The following SPTLC3 variants were observed in gnomAD, a reference collection of about 807,000 sequenced individuals.
The protein encoded by SPTLC3 is serine palmitoyltransferase long chain base subunit 3, also known as serine palmitoyltransferase 3.
Under a neutral mutation model 59.3 loss-of-function variants are expected in SPTLC3, and 36 were observed. That is an observed-to-expected ratio of 0.61 (90% CI 0.47 to 0.80). The LOEUF is 0.80. SPTLC3 is among the 30% of genes least tolerant of loss of function. The pLI is 0.00. For missense variants in SPTLC3, 625 were observed against 685.1 expected (o/e 0.91, Z 0.98); for synonymous variants, 257 against 240.8 (o/e 1.07, Z -0.62).
chr20:13,017,056 T>G (rs1258817261), intron 1 of SPTLC3, among the ~76,000 whole-genome samples: 2 of 152,170 alleles, frequency 1.3e-5, no homozygotes, highest in East Asian at 1.9e-4. Flanking sequence ...ACGCTTCCCC[T>G]GTAAACACAA....
chr20:13,041,948 C>T (rs1215902512), intron 1 of SPTLC3, among the ~76,000 whole-genome samples: 2 of 152,202 alleles, frequency 1.3e-5, no homozygotes, highest in African/African-American at 4.8e-5. Flanking sequence ...AAGCTATCTT[C>T]CTCTGTTGGT....
chr20:13,151,496 C>A (rs938561374), intron 9 of SPTLC3, among the ~76,000 whole-genome samples: 2 of 152,118 alleles, frequency 1.3e-5, no homozygotes, highest in African/African-American at 4.8e-5. Flanking sequence ...AACCTGCCTG[C>A]TGGGAGCTGG....
At chr20:13,075,573 C>T (rs1183682845) in intron 4 of SPTLC3, among the ~76,000 whole-genome samples, 58 of 152,088 alleles carry the variant, frequency 3.8e-4, no homozygotes, top group Admixed American at 3.8e-3. Context: ...TTAAGAAAAA[C>T]ATCTTACTTA....
At position 13,166,004 on chromosome 20, in the gene SPTLC3, TG is replaced by T. The variant is rs980027550; in HGVS notation, c.*1139del. 1.3e-5 allele frequency: 2 copies of T among 152,520 alleles called. No individual in the cohort carries two copies. Among genetic ancestry groups the T allele is most frequent in the Non-Finnish European group, 2.9e-5 (2 of 68,048 alleles). 9.4% of individuals were successfully genotyped at this position (152,520 alleles called of 1,614,324 possible). A position where few individuals can be genotyped will look rare whatever the true frequency, so the allele number is the denominator to read the frequency against. On this transcript the variant is annotated 3_prime_UTR_variant, in exon 12 of 12. Coordinates refer to ENST00000399002, the MANE Select transcript of SPTLC3 (RefSeq NM_018327.4). ...TTCTCAACATGAACACAAACCTCTA[TG>T]GAAAAGTAGCCTCTTGTTAATCTGA...
chr20:13,135,226 G>T (rs2038215347), intron 9 of SPTLC3, among the ~76,000 whole-genome samples: 1 of 152,178 alleles, frequency 6.6e-6, no homozygotes, highest in Non-Finnish European at 1.5e-5. Flanking sequence ...TCAATTTGAT[G>T]AAAGGAAATC....
At chr20:13,121,845 G>T (rs776760847) in intron 8 of SPTLC3, among the ~76,000 whole-genome samples, 6 of 152,174 alleles carry the variant, frequency 3.9e-5, no homozygotes, top group Non-Finnish European at 5.9e-5. Flanking sequence ...GGGCAAGATA[G>T]TCTTAACATT....
chr20:13,044,264 C>A (rs976108089), intron 1 of SPTLC3, among the ~76,000 whole-genome samples: 5 of 151,980 alleles, frequency 3.3e-5, no homozygotes, highest in African/African-American at 1.2e-4. Flanking sequence ...CCACACCTGG[C>A]TAATTTTTGT....
intron 8 of SPTLC3, 59 bp downstream of exon 8, chr20:13,117,784 T>C (rs893535416): frequency 6.2e-6 from 9 of 1,448,194 alleles, no homozygotes; most frequent in African/African-American, 1.4e-5. Flanking sequence ...ATGCCGTGTG[T>C]AGGGCTTCTC....
intron 1 of SPTLC3, among the ~76,000 whole-genome samples, chr20:13,016,558 C>A (rs1187567054): frequency 2.0e-5 from 3 of 152,134 alleles, no homozygotes; most frequent in African/African-American, 7.2e-5. Flanking sequence ...AGGCTATCTA[C>A]CTTATCCTAA....
chr20:13,093,083 C>T (rs1989285382), intron 5 of SPTLC3, among the ~76,000 whole-genome samples: 1 of 152,154 alleles, frequency 6.6e-6, no homozygotes, highest in East Asian at 1.9e-4. Flanking sequence ...AGACCCTTGC[C>T]TTTCAGGAAG....
At chr20:13,089,583 C>T (rs1989136365) in intron 4 of SPTLC3, among the ~76,000 whole-genome samples, 2 of 151,902 alleles carry the variant, frequency 1.3e-5, no homozygotes, top group South Asian at 2.1e-4. Flanking sequence ...CTCAGGAGTT[C>T]GAGACCAGCC....
At chr20:13,045,184 C>T (rs1252523918) in intron 1 of SPTLC3, among the ~76,000 whole-genome samples, 3 of 152,078 alleles carry the variant, frequency 2.0e-5, no homozygotes, top group Non-Finnish European at 4.4e-5. Flanking sequence ...ATTCCAGCAC[C>T]CAGTTTATTT....
At position 13,166,110 on chromosome 20, in the gene SPTLC3, G is replaced by C. The variant is rs1322063487; in HGVS notation, c.*1243G>C. 1 of 152,638 alleles carries C rather than the reference G, an allele frequency of 6.6e-6. No homozygotes were observed. Among genetic ancestry groups the C allele is most frequent in the Non-Finnish European group, 1.5e-5 (1 of 68,048 alleles). 9.5% of individuals were successfully genotyped at this position (152,638 alleles called of 1,614,324 possible). ...AGGGTGCCCAGATTTGGAAATTCTAGAGAGCAGTGGTGACCTTTTAGCAAA... is the reference window on the plus strand; with the variant it reads ...AGGGTGCCCAGATTTGGAAATTCTACAGAGCAGTGGTGACCTTTTAGCAAA... On this transcript the variant is annotated 3_prime_UTR_variant, in exon 12 of 12. Transcript: ENST00000399002.
intron 1 of SPTLC3, among the ~76,000 whole-genome samples, chr20:13,028,028 G>A (rs1029228754): frequency 6.6e-6 from 1 of 152,164 alleles, no homozygotes; most frequent in Non-Finnish European, 1.5e-5. Context: ...AAGGGCACAC[G>A]AGTCAATTCA....
chr20:13,145,912 A>G (rs967471420), intron 9 of SPTLC3, among the ~76,000 whole-genome samples: 2 of 152,206 alleles, frequency 1.3e-5, no homozygotes, highest in African/African-American at 4.8e-5. Flanking sequence ...TTTAATAAAT[A>G]ATCAGCATCA....
At chr20:13,029,175 A>G (rs1428249869) in intron 1 of SPTLC3, among the ~76,000 whole-genome samples, 1 of 152,168 alleles carries the variant, frequency 6.6e-6, no homozygotes, top group African/African-American at 2.4e-5. Context: ...TTCTTTAAGA[A>G]TCCATCCTTT....
chr20:13,064,079 G>T (rs1345327071), intron 2 of SPTLC3, among the ~76,000 whole-genome samples: 1 of 148,818 alleles, frequency 6.7e-6, no homozygotes, highest in Non-Finnish European at 1.5e-5. Context: ...GCCCAGGCTG[G>T]AGTGCAGTGG....
intron 9 of SPTLC3, among the ~76,000 whole-genome samples, chr20:13,134,413 T>A (rs1477833092): frequency 1.3e-5 from 2 of 152,184 alleles, no homozygotes; most frequent in Non-Finnish European, 2.9e-5. Context: ...ATAGAGTCAC[T>A]GATGTTGGGG....
intron 1 of SPTLC3, among the ~76,000 whole-genome samples, chr20:13,027,629 C>T (rs75976206): frequency 0.065 from 8,344 of 129,300 alleles, 279 homozygotes; most frequent in South Asian, 0.11. Flanking sequence ...CTTCAGTAAT[C>T]TATTTCAGCA....
Sources: allele counts gnomAD v4.1 joint callset (sites outside exome capture counted in the v4.1 genomes callset), GRCh38; gene constraint gnomAD v4.1.1; transcripts MANE v1.5; gene names NCBI Gene and HGNC (gene_info 2026-07-23, HGNC 2026-07-21).